Variants in TPD52L1 observed in about 807,000 individuals in gnomAD.
TPD52L1 encodes TPD52 like 1, also known as tumor protein D53.
Under a neutral mutation model 28.7 loss-of-function variants are expected in TPD52L1, and 18 were observed. That is an observed-to-expected ratio of 0.63 (90% confidence interval 0.43 to 0.93). The LOEUF is 0.93. TPD52L1 is among the 40% of genes least tolerant of loss of function. TPD52L1 has a pLI of 0.00. For missense variants in TPD52L1, 203 were observed against 254.8 expected, an observed-to-expected ratio of 0.80 and a Z score of 1.39; for synonymous variants, 75 against 88.8, an observed-to-expected ratio of 0.84 and a Z score of 0.88.
intron 1 of TPD52L1, among the ~76,000 whole-genome samples, chr6:125,181,235 A>G (rs1792174509): frequency 6.6e-6 from 1 of 152,198 alleles, no homozygotes; most frequent in African/African-American, 2.4e-5. Context: ...GATTAGCATA[A>G]AGAACTATGT....
Position 125,234,200 on chromosome 6 carries a change from G to T in TPD52L1, c.284+4934G>T, listed in dbSNP as rs1298333110. ...GCTATTGCCATTGCTGCCAAAGAAA[G>T]GCAAATGTTTAACTATGAAAGTAAT... On this transcript the variant is annotated intron_variant, in intron 3 of 6. Transcript: ENST00000534000. The T allele has an allele frequency of 2.6e-5, 4 of 152,208 alleles. 1 individual carries two copies. The highest frequency in any genetic ancestry group is 2.6e-4 in the Admixed American group (4 of 15,280). 9.4% of individuals were successfully genotyped at this position (152,208 alleles called of 1,614,324 possible).
At chr6:125,252,135 C>A in intron 4 of TPD52L1, 1 of 1,338,864 alleles carries the variant, frequency 7.5e-7, no homozygotes, top group Non-Finnish European at 1.0e-6. Context: ...CCTGAACCAA[C>A]AAAACTACAC....
chr6:125,205,957 CA>C (rs1483232365), intron 1 of TPD52L1, among the ~76,000 whole-genome samples: 9 of 152,302 alleles, frequency 5.9e-5, no homozygotes, highest in African/African-American at 2.2e-4. Flanking sequence ...CCATTTTAAT[CA>C]GCATCTAACT....
chr6:125,246,937 AC>A (rs1427256232), intron 3 of TPD52L1, among the ~76,000 whole-genome samples: 7 of 152,094 alleles, frequency 4.6e-5, no homozygotes, highest in South Asian at 2.1e-4. Flanking sequence ...TCCTAAAAAA[AC>A]ATTGTGTTAA....
At chr6:125,199,226 G>A (rs1367335488) in intron 1 of TPD52L1, among the ~76,000 whole-genome samples, 2 of 152,182 alleles carry the variant, frequency 1.3e-5, no homozygotes, top group African/African-American at 2.4e-5. Context: ...AAGGAGCTAA[G>A]CTGGATTTTG....
At chr6:125,239,275 T>G (rs1796474539) in intron 3 of TPD52L1, among the ~76,000 whole-genome samples, 1 of 152,226 alleles carries the variant, frequency 6.6e-6, no homozygotes, top group African/African-American at 2.4e-5. Flanking sequence ...TATCTGCTTT[T>G]GAGAATTGTC....
In TPD52L1 at chr6:125,253,748, G is replaced by T. The variant is rs1797420530; in HGVS notation, c.418G>T (p.Ala140Ser). The T allele has an allele frequency of 1.2e-6, 2 of 1,612,358 alleles. No individual in the cohort carries two copies. Among genetic ancestry groups the T allele is most frequent in the East Asian group, 4.5e-5 (2 of 44,876 alleles). Reference protein sequence around the residue: ...YSIRHSISMPAMRNSPTFKSF... With the variant: ...YSIRHSISMPSMRNSPTFKSF... ...CATTCGCCATTCCATAAGTATGCCTGCTATGAGGTAATGTGTGTAAAATAT... is the reference window on the plus strand; with the variant it reads ...CATTCGCCATTCCATAAGTATGCCTTCTATGAGGTAATGTGTGTAAAATAT... Residue 140 changes from alanine to serine, a missense_variant, in exon 5 of 7, where the codon GCT becomes TCT. By Grantham distance (99) the Ala-to-Ser change is moderately conservative. Transcript: ENST00000534000.
intron 3 of TPD52L1, among the ~76,000 whole-genome samples, chr6:125,242,444 A>G (rs1272253055): frequency 2.0e-5 from 3 of 151,954 alleles, no homozygotes; most frequent in African/African-American, 7.2e-5. Flanking sequence ...CAGGCCTGGT[A>G]GTAATTGTTT....
intron 1 of TPD52L1, among the ~76,000 whole-genome samples, chr6:125,157,418 C>G (rs956429934): frequency 3.3e-5 from 5 of 152,182 alleles, no homozygotes; most frequent in Non-Finnish European, 2.9e-5. Flanking sequence ...AGAGGACTCT[C>G]AGGGGAGGTG....
intron 1 of TPD52L1, among the ~76,000 whole-genome samples, chr6:125,163,544 T>G (rs1790662279): frequency 6.7e-6 from 1 of 149,822 alleles, no homozygotes. Flanking sequence ...ATTGCATCAT[T>G]GCACTCTAGC....
intron 1 of TPD52L1, among the ~76,000 whole-genome samples, chr6:125,192,073 T>G (rs1793085940): frequency 6.6e-6 from 1 of 152,188 alleles, no homozygotes; most frequent in African/African-American, 2.4e-5. Context: ...TCCTCACTGT[T>G]CCCTTAGGGC....
At chr6:125,260,994 GA>G (rs1447686159) in intron 6 of TPD52L1, 1 of 43,376 alleles carries the variant, frequency 2.3e-5, no homozygotes, top group African/African-American at 1.2e-4. Flanking sequence ...AAGAAAGAAA[GA>G]AAGAAAGAAA....
At chr6:125,198,412 T>C (rs577752534) in intron 1 of TPD52L1, among the ~76,000 whole-genome samples, 1 of 152,294 alleles carries the variant, frequency 6.6e-6, no homozygotes, top group African/African-American at 2.4e-5. Context: ...GGTAGAGTTA[T>C]ACCCAGTTCT....
At chr6:125,201,000 A>G (rs911490542) in intron 1 of TPD52L1, among the ~76,000 whole-genome samples, 2 of 152,206 alleles carry the variant, frequency 1.3e-5, no homozygotes, top group Admixed American at 1.3e-4. Flanking sequence ...GGGTTGGCAC[A>G]TTGTTACAGC....
chr6:125,248,213 T>G, intron 3 of TPD52L1, 69 bp from the exon 4 acceptor site: 1 of 1,243,078 alleles, frequency 8.0e-7, no homozygotes, highest in Non-Finnish European at 1.2e-6. Flanking sequence ...AAGTAAGGAG[T>G]GAGAAGGAAG....
intron 1 of TPD52L1, among the ~76,000 whole-genome samples, chr6:125,173,146 T>G (rs894343337): frequency 2.0e-5 from 3 of 152,140 alleles, no homozygotes; most frequent in African/African-American, 7.2e-5. Flanking sequence ...CTGGCTGCTG[T>G]GTGTTTGTGT....
chr6:125,166,156 A>G (rs1454593314), intron 1 of TPD52L1, among the ~76,000 whole-genome samples: 1 of 152,198 alleles, frequency 6.6e-6, no homozygotes, highest in Non-Finnish European at 1.5e-5. Flanking sequence ...ATTCATTCAA[A>G]AGAAAAAGCC....
chr6:125,209,943 G>A (rs1387119936), intron 1 of TPD52L1, among the ~76,000 whole-genome samples: 4 of 152,140 alleles, frequency 2.6e-5, no homozygotes, highest in African/African-American at 4.8e-5. Flanking sequence ...TGAAGACATA[G>A]AGATGAAACT....
chr6:125,233,250 C>T (rs772990421), intron 3 of TPD52L1, among the ~76,000 whole-genome samples: 29 of 152,074 alleles, frequency 1.9e-4, no homozygotes, highest in African/African-American at 3.6e-4. Context: ...ATAAAGAGGA[C>T]GAAAAGCCTC....
Sources: allele counts gnomAD v4.1 joint callset (sites outside exome capture counted in the v4.1 genomes callset), GRCh38; gene constraint gnomAD v4.1.1; transcripts MANE v1.5; gene names NCBI Gene and HGNC (gene_info 2026-07-23, HGNC 2026-07-21).